The following NAALADL2 variants were observed in gnomAD, a reference collection of about 807,000 sequenced individuals.
NAALADL2 encodes inactive N-acetylated-alpha-linked acidic dipeptidase-like protein 2.
NAALADL2 carries 76 observed loss-of-function variants against 87.2 expected under a neutral mutation model. That is an observed-to-expected ratio of 0.87 (90% confidence interval 0.72 to 1.05). The LOEUF (loss-of-function observed/expected upper bound fraction) is 1.05. NAALADL2 is among the 50% of genes least tolerant of loss of function. NAALADL2 has a pLI of 0.00. For missense variants in NAALADL2, 1,089 were observed against 945.8 expected, an observed-to-expected ratio of 1.15 and a Z score of -1.99; for synonymous variants, 354 against 331.0, an observed-to-expected ratio of 1.07 and a Z score of -0.75.
chr3:175,314,696 A>AGTTCTAAC (rs1287367035), intron 4 of NAALADL2, among the ~76,000 whole-genome samples: 5,947 of 87,764 alleles, frequency 0.068, 526 homozygotes, highest in South Asian at 0.078. Flanking sequence ...ATATATATAT[A>AGTTCTAAC]TATATATATA....
chr3:175,284,598 A>T lies in NAALADL2; in HGVS notation c.939+28068A>T, dbSNP rs114936808. Among the ~76,000 whole-genome samples, 1,325 of 152,190 alleles carry T rather than the reference A, an allele frequency of 8.7e-3. 17 individuals are homozygous for T. Among genetic ancestry groups the T allele is most frequent in the African/African-American group, 0.03 (1,265 of 41,544 alleles). On this transcript the variant is annotated intron_variant, in intron 4 of 13. Transcript: ENST00000454872. ...CTCTTAAAATTTCTACAGAATTCAC[A>T]TTCATTTGGCAGTGACTATTCTTGT...
rs565367342 is a variant in NAALADL2 at position 174,772,871 on chromosome 3, A to T, written c.-9+35125A>T. 1.1e-3 allele frequency among the ~76,000 whole-genome samples: 175 copies of T among 152,344 alleles called. 1 individual carries two copies. The highest frequency in any genetic ancestry group is 2.1e-3 in the Non-Finnish European group (144 of 68,024). On this transcript the variant is annotated intron_variant, in intron 3 of 3. Transcript: ENST00000434257. The stretch of plus-strand genomic sequence containing the variant: ...TGACAGAGAATGTGGCAAAAATCAA[A>T]CATTAGGATGTTGTGCACTCTAGAG...
At chr3:175,017,961 A>G (rs909924828) in intron 1 of NAALADL2, among the ~76,000 whole-genome samples, 7 of 152,054 alleles carry the variant, frequency 4.6e-5, no homozygotes, top group Non-Finnish European at 8.8e-5. Flanking sequence ...AGTGGCAAGC[A>G]TATGAAAGGT....
intron 2 of NAALADL2, among the ~76,000 whole-genome samples, chr3:174,561,743 T>C (rs1713645192): frequency 1.3e-5 from 2 of 152,190 alleles, no homozygotes; most frequent in Admixed American, 1.3e-4. Flanking sequence ...CCATTTGCAC[T>C]GAAGATCAGT....
At chr3:175,789,850 G>A (rs1752562307) in intron 13 of NAALADL2, among the ~76,000 whole-genome samples, 1 of 152,002 alleles carries the variant, frequency 6.6e-6, no homozygotes, top group Non-Finnish European at 1.5e-5. Flanking sequence ...TACAAAAAGA[G>A]CTAAACATCC....
At chr3:175,782,491 G>A (rs1751279515) in intron 13 of NAALADL2, among the ~76,000 whole-genome samples, 1 of 125,784 alleles carries the variant, frequency 8.0e-6, no homozygotes, top group African/African-American at 3.4e-5. Context: ...TTTTTTGGCT[G>A]CATAAATGTC....
At chr3:175,139,650 A>G (rs933623269) in intron 2 of NAALADL2, among the ~76,000 whole-genome samples, 12 of 151,644 alleles carry the variant, frequency 7.9e-5, no homozygotes, top group African/African-American at 2.9e-4. Flanking sequence ...TCTTTCTATA[A>G]TTTAAATTCA....
chr3:174,480,558 A>G (rs1018799241), intron 1 of NAALADL2, among the ~76,000 whole-genome samples: 1 of 152,108 alleles, frequency 6.6e-6, no homozygotes, highest in African/African-American at 2.4e-5. Flanking sequence ...TACTTAGAAT[A>G]TATTTATGTT....
At chr3:175,051,628 A>C (rs1755402203) in intron 1 of NAALADL2, among the ~76,000 whole-genome samples, 1 of 152,206 alleles carries the variant, frequency 6.6e-6, no homozygotes, top group African/African-American at 2.4e-5. Context: ...AACATAATCT[A>C]ACCATGGGCG....
At chr3:175,307,736 A>G (rs191415192) in intron 4 of NAALADL2, among the ~76,000 whole-genome samples, 1 of 152,314 alleles carries the variant, frequency 6.6e-6, no homozygotes, top group Admixed American at 6.5e-5. Context: ...AGCACTGGTA[A>G]GCAAGATCTA....
chr3:175,802,919 C>G, intron 13 of NAALADL2, 86 bp from the exon 14 acceptor site: 1 of 810,886 alleles, frequency 1.2e-6, no homozygotes, highest in Non-Finnish European at 2.0e-6. Context: ...GAAAACATCA[C>G]TGACTCTTAG....
intron 2 of NAALADL2, among the ~76,000 whole-genome samples, chr3:174,632,668 G>A (rs996202043): frequency 4.6e-5 from 7 of 152,140 alleles, no homozygotes; most frequent in African/African-American, 1.7e-4. Flanking sequence ...GGGTGCAGTG[G>A]CTCATGCCTG....
chr3:174,717,793 T>C (rs1466478218), intron 2 of NAALADL2, among the ~76,000 whole-genome samples: 3 of 152,134 alleles, frequency 2.0e-5, no homozygotes, highest in Non-Finnish European at 2.9e-5. Flanking sequence ...AGTCCATTGA[T>C]ATATGTGCAA....
At chr3:174,477,068 G>A (rs1328278416) in intron 1 of NAALADL2, among the ~76,000 whole-genome samples, 2 of 151,738 alleles carry the variant, frequency 1.3e-5, no homozygotes, top group African/African-American at 4.8e-5. Context: ...TTGCACTCCA[G>A]CCTGGGCAAC....
chr3:175,210,475 G>A (rs575906961), intron 2 of NAALADL2, among the ~76,000 whole-genome samples: 1 of 151,802 alleles, frequency 6.6e-6, no homozygotes, highest in South Asian at 2.1e-4. Flanking sequence ...TGTGTTGTAT[G>A]TGTGTTCTAG....
chr3:175,716,093 A>G (rs1243543498), intron 11 of NAALADL2, among the ~76,000 whole-genome samples: 1 of 148,318 alleles, frequency 6.7e-6, no homozygotes, highest in Non-Finnish European at 1.5e-5. Context: ...CATATATCAT[A>G]TGTAATATTA....
chr3:175,230,080 C>T (rs1397141832), intron 2 of NAALADL2, among the ~76,000 whole-genome samples: 1 of 151,862 alleles, frequency 6.6e-6, no homozygotes, highest in African/African-American at 2.4e-5. Context: ...ATTAATGGGG[C>T]ATATTTGACA....
In NAALADL2 at chr3:175,451,878, G is replaced by A. The variant is rs138174435; in HGVS notation, c.1234+4506G>A. ...TATTAAAATGACATAGTGTCTAACCGATCATCTTGTTTATAATTTTTACGT... is the reference window on the plus strand; with the variant it reads ...TATTAAAATGACATAGTGTCTAACCAATCATCTTGTTTATAATTTTTACGT... On this transcript the variant is annotated intron_variant, in intron 6 of 13. Coordinates refer to ENST00000454872, the MANE Select transcript of NAALADL2 (RefSeq NM_207015.3). Among the ~76,000 whole-genome samples the A allele has an allele frequency of 1.6e-4, 25 of 151,946 alleles. No individual in the cohort carries two copies. In the East Asian group the frequency reaches 4.2e-3, roughly 26 times the overall value.
intron 1 of NAALADL2, among the ~76,000 whole-genome samples, chr3:174,538,261 C>G (rs1721906443): frequency 6.6e-6 from 1 of 152,088 alleles, no homozygotes; most frequent in Admixed American, 6.6e-5. Context: ...ATGGGCCCCT[C>G]CTGTTGGCCC....
Sources: allele counts gnomAD v4.1 joint callset (sites outside exome capture counted in the v4.1 genomes callset), GRCh38; gene constraint gnomAD v4.1.1; transcripts MANE v1.5; gene names NCBI Gene and HGNC (gene_info 2026-07-23, HGNC 2026-07-21).